Variants in WDR77 observed in about 807,000 individuals in gnomAD.
WDR77 encodes the protein methylosome protein WDR77.
WDR77 carries 31 observed loss-of-function variants against 44.0 expected under a neutral mutation model. The ratio of observed to expected loss-of-function variants is 0.70; its 90% CI spans 0.53 to 0.95. The LOEUF (loss-of-function observed/expected upper bound fraction) is 0.95. Ranked by LOEUF, WDR77 falls within the 40% of genes least tolerant of loss-of-function variation. The probability of loss-of-function intolerance (pLI) is 0.00; values close to 1 mark genes in which losing one functional copy is unlikely to be tolerated. For missense variants in WDR77, 390 were observed against 423.9 expected, an observed-to-expected ratio of 0.92 and a Z score of 0.70; for synonymous variants, 186 against 165.7, an observed-to-expected ratio of 1.12 and a Z score of -0.94.
chr1:111,442,033 A>C lies in WDR77; in HGVS notation c.861T>G (p.Leu287=). 1 of 1,614,042 alleles carries C rather than the reference A, an allele frequency of 6.2e-7. No homozygotes were observed. The highest frequency in any genetic ancestry group is 8.5e-7 in the Non-Finnish European group (1 of 1,179,934). ...DCSLAVLDSS[L]SELFRSQAHR... Reference sequence around the variant, plus strand: ...TTCCACTTCACACTTACAACTCAGAAAGGCTTGAGTCCAGCACAGCAAGTG... The same window carrying C: ...TTCCACTTCACACTTACAACTCAGACAGGCTTGAGTCCAGCACAGCAAGTG... The change falls in exon 9 of 10, where the codon CTT becomes CTG. Residue 287 remains leucine (L), a synonymous_variant. Transcript: ENST00000235090.
At chr1:111,446,189 T>C (rs1370053254) in intron 4 of WDR77, among the ~76,000 whole-genome samples, 3 of 152,186 alleles carry the variant, frequency 2.0e-5, no homozygotes, top group Admixed American at 2.0e-4. Flanking sequence ...ACTTTGAAGT[T>C]AGAAATGGCA....
rs1557792348 is a variant in WDR77, at chr1:111,442,633, C to T, written c.800+20G>A. 2.6e-6 allele frequency: 4 copies of T among 1,520,040 alleles called. No homozygotes were observed. The highest frequency in any genetic ancestry group is 3.6e-6 in the Non-Finnish European group (4 of 1,125,234). 94.2% of individuals were successfully genotyped at this position (1,520,040 alleles called of 1,614,324 possible). On this transcript the variant is annotated intron_variant, in intron 8 of 9. Coordinates refer to ENST00000235090, the MANE Select transcript of WDR77 (RefSeq NM_024102.4). ...GTTCCCATTTATACCCATCAGGCCC[C>T]TGATGACAAAGAACAGTACCTGTGT...
intron 2 of WDR77, 83 bp downstream of exon 2, chr1:111,448,536 T>A: frequency 1.3e-6 from 2 of 1,552,180 alleles, no homozygotes; most frequent in Non-Finnish European, 8.9e-7. Context: ...ACGTTAGATA[T>A]TGAGCTCAAC....
chr1:111,441,088 G>A lies in WDR77; in HGVS notation c.*142C>T. The A allele has an allele frequency of 3.2e-6, 3 of 942,206 alleles. No individual in the cohort carries two copies. Among genetic ancestry groups the A allele is most frequent in the Non-Finnish European group, 4.3e-6 (3 of 702,582 alleles). 58.4% of individuals were successfully genotyped at this position (942,206 alleles called of 1,614,324 possible). A position where few individuals can be genotyped will look rare whatever the true frequency, so the allele number is the denominator to read the frequency against. Reference sequence around the variant, plus strand: ...GGAACCCAGAATCCAGCCTCCCTCAGGCTGAGAGACGATGCCTATTAACGG... The same window carrying A: ...GGAACCCAGAATCCAGCCTCCCTCAAGCTGAGAGACGATGCCTATTAACGG... On this transcript the variant is annotated 3_prime_UTR_variant, in exon 10 of 10. Transcript: ENST00000235090.
chr1:111,442,794 A>G (rs1345605506), intron 7 of WDR77, 33 bp from the exon 8 acceptor site: 1 of 1,442,906 alleles, frequency 6.9e-7, no homozygotes, highest in East Asian at 2.4e-5. Flanking sequence ...CATAGTGATT[A>G]AGAGCATGGA....
chr1:111,447,574 C>T lies in WDR77; in HGVS notation c.304G>A (p.Ala102Thr), dbSNP rs1653098375. The change falls in exon 3 of 10, where the codon GCT (alanine) becomes ACT (threonine). Residue 102 changes from alanine to threonine, a missense_variant and splice_region_variant. By Grantham distance (58) the Ala-to-Thr change is moderately conservative (BLOSUM62 0). Coordinates refer to ENST00000235090, the MANE Select transcript of WDR77 (RefSeq NM_024102.4). ...TCATCTAGTTCCCACAATTCAACAG[C>T]ACCTGTTGGGGGTAGGGTAAGGAAA... ...RGILVASDSGAVELWELDENE... is the reference protein window; with the variant it reads ...RGILVASDSGTVELWELDENE... The T allele has an allele frequency of 6.2e-7, 1 of 1,614,072 alleles. No homozygotes were observed. The highest frequency in any genetic ancestry group is 1.3e-5 in the African/African-American group (1 of 74,944).
chr1:111,448,292 A>G (rs1055323030), intron 2 of WDR77, among the ~76,000 whole-genome samples: 3 of 152,206 alleles, frequency 2.0e-5, no homozygotes, highest in African/African-American at 7.2e-5. Context: ...CATGTAGCAC[A>G]GATTGGCTTC....
At chr1:111,447,251 C>T in intron 3 of WDR77, 107 bp from the exon 4 acceptor site, 1 of 1,496,156 alleles carries the variant, frequency 6.7e-7, no homozygotes, top group Non-Finnish European at 9.2e-7. Flanking sequence ...GTCTTTGCCT[C>T]TTGGACTGCT....
At chr1:111,446,236 T>C (rs1181707040) in intron 4 of WDR77, among the ~76,000 whole-genome samples, 1 of 152,086 alleles carries the variant, frequency 6.6e-6, no homozygotes, top group Admixed American at 6.5e-5. Context: ...ACCACAGTGA[T>C]CCCCCAGCAT....
intron 3 of WDR77, 108 bp from the exon 4 acceptor site, chr1:111,447,252 T>C: frequency 2.7e-6 from 4 of 1,497,386 alleles, no homozygotes; most frequent in Non-Finnish European, 2.8e-6. Flanking sequence ...TCTTTGCCTC[T>C]TGGACTGCTG....
At position 111,447,097 on chromosome 1, in the gene WDR77, C is replaced by G. The variant is rs772587461; in HGVS notation, c.491G>C (p.Arg164Pro). 3 of 1,614,072 alleles carry G rather than the reference C, an allele frequency of 1.9e-6. No homozygotes were observed. The highest frequency in any genetic ancestry group is 8.5e-7 in the Non-Finnish European group (1 of 1,179,970). Residue 164 changes from arginine (R) to proline (P), a missense_variant and splice_region_variant, in exon 4 of 10, where the codon CGA becomes CCA. Physicochemically the swap from Arg to Pro is moderately radical, Grantham distance 103 (BLOSUM62 -2). Coordinates refer to ENST00000235090, the MANE Select transcript of WDR77 (RefSeq NM_024102.4). ...GCTAAAAATGAAAGAATACTCACCT[C>G]GGTATGAACTCAGTACCACCTGCTG... ...LAQQVVLSSY[R>P]AHAAQVTCVA...
rs763523248 is a variant in WDR77, at chr1:111,442,637, T to C, written c.800+16A>G. ...CCATTTATACCCATCAGGCCCCTGA[T>C]GACAAAGAACAGTACCTGTGTGGGG... On this transcript the variant is annotated intron_variant, in intron 8 of 9. Coordinates refer to ENST00000235090, the MANE Select transcript of WDR77 (RefSeq NM_024102.4). The C allele has an allele frequency of 2.0e-6, 3 of 1,529,308 alleles. No homozygotes were observed. Among genetic ancestry groups the C allele is most frequent in the South Asian group, 1.3e-5 (1 of 77,150 alleles). 94.7% of individuals were successfully genotyped at this position (1,529,308 alleles called of 1,614,324 possible).
chr1:111,441,706 A>T, intron 9 of WDR77: 1 of 757,460 alleles, frequency 1.3e-6, no homozygotes, highest in Non-Finnish European at 1.9e-6. Flanking sequence ...TTTACCCTGT[A>T]GCAGGCTGCA....
Position 111,440,059 on chromosome 1 carries a change from T to C in WDR77, c.*1171A>G, listed in dbSNP as rs1652743552. ...AAGTACATAATTGATTATATTTACT[T>C]TCAATATAATCAGTAATTGATCCAT... On this transcript the variant is annotated 3_prime_UTR_variant, in exon 10 of 10. Transcript: ENST00000235090. The C allele has an allele frequency of 6.6e-6, 1 of 152,622 alleles. No individual in the cohort carries two copies. Among genetic ancestry groups the C allele is most frequent in the African/African-American group, 2.4e-5 (1 of 41,444 alleles). The allele number at this position is 152,622 out of a possible 1,614,324, so 9.5% of individuals were successfully genotyped here.
chr1:111,449,166 G>T lies in WDR77; in HGVS notation c.4C>A (p.Arg2=), dbSNP rs1210192401. 2 of 1,577,052 alleles carry T rather than the reference G, an allele frequency of 1.3e-6. No individual in the cohort carries two copies. Among genetic ancestry groups the T allele is most frequent in the Non-Finnish European group, 8.6e-7 (1 of 1,167,952 alleles). ...ACTAGGGGGGGTGGGGTTTCCTTCC[G>T]CATCTCCACGGTTCCAACTCCAACC... M[R]KETPPPLVPP... The change falls in exon 1 of 10, where the codon CGG becomes AGG. Residue 2 remains arginine, a synonymous_variant. Transcript: ENST00000235090.
At chr1:111,443,513 G>T in intron 6 of WDR77, 119 bp from the exon 7 acceptor site, 1 of 1,276,542 alleles carries the variant, frequency 7.8e-7, no homozygotes, top group Non-Finnish European at 1.1e-6. Flanking sequence ...CCCTGCTAAG[G>T]CAGCAGTGTC....
chr1:111,447,096 T>A lies in WDR77; in HGVS notation c.492A>T (p.Arg164=). ...LAQQVVLSSY[R]AHAAQVTCVA... is the part of the protein sequence containing the mutation. Reference sequence around the variant, plus strand: ...GGCTAAAAATGAAAGAATACTCACCTCGGTATGAACTCAGTACCACCTGCT... The same window carrying A: ...GGCTAAAAATGAAAGAATACTCACCACGGTATGAACTCAGTACCACCTGCT... The change falls in exon 4 of 10, where the codon CGA becomes CGT. Residue 164 remains arginine (R), a splice_region_variant and synonymous_variant. Transcript: ENST00000235090. 6.2e-7 allele frequency: 1 copy of A among 1,613,978 alleles called. No homozygotes were observed.
intron 8 of WDR77, 56 bp from the exon 9 acceptor site, chr1:111,442,149 C>T (rs1385325497): frequency 1.3e-6 from 2 of 1,559,082 alleles, no homozygotes; most frequent in Non-Finnish European, 8.8e-7. Context: ...AAGACAAAAC[C>T]TTAACTGGGC....
Position 111,447,579 on chromosome 1 carries a change from G to C in WDR77, c.302-3C>G, listed in dbSNP as rs888165318. 1.2e-6 allele frequency: 2 copies of C among 1,614,100 alleles called. No individual in the cohort carries two copies. The highest frequency in any genetic ancestry group is 2.7e-5 in the African/African-American group (2 of 74,942). On this transcript the variant is annotated splice_region_variant and splice_polypyrimidine_tract_variant and intron_variant, in intron 2 of 9. Coordinates refer to ENST00000235090, the MANE Select transcript of WDR77 (RefSeq NM_024102.4). The stretch of plus-strand genomic sequence containing the variant: ...TAGTTCCCACAATTCAACAGCACCT[G>C]TTGGGGGTAGGGTAAGGAAAACATG...
Sources: gnomAD v4.1 joint callset for allele counts (sites outside exome capture counted in the v4.1 genomes callset) on GRCh38, gnomAD v4.1.1 for gene constraint, MANE v1.5 for transcripts, NCBI Gene and HGNC (gene_info 2026-07-23, HGNC 2026-07-21) for gene names.